Variants in DENND4A observed in about 807,000 individuals in gnomAD.
DENND4A encodes DENN domain containing 4A, also known as C-myc promoter-binding protein.
DENND4A carries 70 observed loss-of-function variants against 199.3 expected under a neutral mutation model. The observed-to-expected ratio is 0.35, with a 90% CI of 0.29 to 0.43. DENND4A has a LOEUF of 0.43. DENND4A is among the 20% of genes least tolerant of loss of function. The pLI is 1.00. For missense variants in DENND4A, 1,723 were observed against 2,255.8 expected (o/e 0.76, Z 4.78); for synonymous variants, 686 against 766.9 (o/e 0.89, Z 1.74).
At chr15:65,700,961 A>T in intron 19 of DENND4A, 90 bp downstream of exon 19, 1 of 1,396,226 alleles carries the variant, frequency 7.2e-7, no homozygotes, top group South Asian at 1.4e-5. Flanking sequence ...AAAACATTCA[A>T]TATTTTAAAA....
At chr15:65,773,078 T>G (rs1391902328) in intron 1 of DENND4A, among the ~76,000 whole-genome samples, 1 of 147,998 alleles carries the variant, frequency 6.8e-6, no homozygotes, top group East Asian at 1.9e-4. Flanking sequence ...GCTCCAGCAA[T>G]GGCATCCAGT....
In DENND4A at chr15:65,674,733, TA is replaced by T. The variant is rs139568543; in HGVS notation, c.4369+1711del. On this transcript the variant is annotated intron_variant, in intron 24 of 32. Transcript: ENST00000443035. ...TGAGCAACAGAGTGAGACCCTATCT[TA>T]AAAAAAAAAAAAAAAGACACATTAT... Among the ~76,000 whole-genome samples the T allele has an allele frequency of 9.2e-3, 1,228 of 133,302 alleles. 1 individual carries two copies. The highest frequency in any genetic ancestry group is 0.012 in the African/African-American group (429 of 36,162). 87.5% of individuals were successfully genotyped at this position (133,302 alleles called of 152,430 possible). A position where few individuals can be genotyped will look rare whatever the true frequency, so the allele number is the denominator to read the frequency against.
chr15:65,708,031 C>G (rs189689636), intron 14 of DENND4A, among the ~76,000 whole-genome samples: 46 of 152,190 alleles, frequency 3.0e-4, no homozygotes, highest in Non-Finnish European at 5.7e-4. Flanking sequence ...GGGTCTTGCT[C>G]TGTTGCCCAG....
chr15:65,688,545 T>C (rs1307331798), intron 23 of DENND4A, among the ~76,000 whole-genome samples: 1 of 152,256 alleles, frequency 6.6e-6, no homozygotes, highest in Non-Finnish European at 1.5e-5. Flanking sequence ...TTTTACTTTT[T>C]GTAGGCAGTG....
intron 4 of DENND4A, among the ~76,000 whole-genome samples, chr15:65,743,813 C>G (rs984912161): frequency 6.6e-6 from 1 of 152,080 alleles, no homozygotes; most frequent in Non-Finnish European, 1.5e-5. Context: ...GACCTAAGAG[C>G]TAAAGAGGCA....
chr15:65,698,668 G>A (rs984982529), intron 20 of DENND4A, among the ~76,000 whole-genome samples: 1 of 147,694 alleles, frequency 6.8e-6, no homozygotes, highest in Non-Finnish European at 1.5e-5. Context: ...AGAAAAATCT[G>A]AGAATAATCT....
intron 14 of DENND4A, chr15:65,715,243 T>C (rs1342120897): frequency 1.4e-5 from 5 of 353,044 alleles, no homozygotes; most frequent in Admixed American, 5.0e-5. Context: ...TAGGACTTGA[T>C]TGCTACAATA....
chr15:65,673,777 C>T (rs1204080410), intron 24 of DENND4A, among the ~76,000 whole-genome samples: 1 of 152,160 alleles, frequency 6.6e-6, no homozygotes, highest in Non-Finnish European at 1.5e-5. Flanking sequence ...TCCCTTGATG[C>T]TTCTTCCCAA....
chr15:65,746,382 T>C (rs1260233037), intron 4 of DENND4A, among the ~76,000 whole-genome samples: 5 of 114,002 alleles, frequency 4.4e-5, no homozygotes, highest in African/African-American at 1.5e-4. Context: ...TTTTTTTTTT[T>C]TTTTTTTTTT....
intron 23 of DENND4A, among the ~76,000 whole-genome samples, chr15:65,677,711 T>C (rs1218999517): frequency 6.6e-6 from 1 of 152,190 alleles, no homozygotes; most frequent in Non-Finnish European, 1.5e-5. Flanking sequence ...TACCTAAGTG[T>C]ACCAACACAT....
intron 15 of DENND4A, 94 bp downstream of exon 15, chr15:65,705,997 G>T: frequency 7.3e-7 from 1 of 1,378,976 alleles, no homozygotes; most frequent in Non-Finnish European, 9.4e-7. Flanking sequence ...TGTAAAGTTT[G>T]GATTTTTGAA....
intron 5 of DENND4A, 112 bp downstream of exon 5, chr15:65,741,603 T>C: frequency 1.4e-6 from 1 of 692,128 alleles, no homozygotes; most frequent in Non-Finnish European, 2.4e-6. Flanking sequence ...AAGATACGGA[T>C]TGTAGTCCCA....
At chr15:65,775,920 T>A (rs1321072992) in intron 1 of DENND4A, among the ~76,000 whole-genome samples, 1 of 152,202 alleles carries the variant, frequency 6.6e-6, no homozygotes, top group Non-Finnish European at 1.5e-5. Context: ...CACAACTCCA[T>A]GCCACCTTTG....
intron 23 of DENND4A, among the ~76,000 whole-genome samples, chr15:65,687,534 C>T (rs554692326): frequency 3.2e-4 from 49 of 152,156 alleles, no homozygotes; most frequent in Admixed American, 2.9e-3. Flanking sequence ...AAATAACTTC[C>T]TTCAGCATAT....
Position 65,709,719 on chromosome 15 carries a change from A to AATATATATATATAT in DENND4A, c.1954-3509_1954-3496dup, listed in dbSNP as rs1555422997. On this transcript the variant is annotated intron_variant, in intron 14 of 32. Transcript: ENST00000443035. ...TCAAAAAAAAAAAAAAAAAAAAAAA[A>AATATATATATATAT]ATATATATATATATATATATATAAT... Among the ~76,000 whole-genome samples the AATATATATATATAT allele has an allele frequency of 3.5e-3, 182 of 51,460 alleles. 5 individuals carry two copies. Among genetic ancestry groups the AATATATATATATAT allele is most frequent in the African/African-American group, 0.012 (119 of 9,968 alleles). The allele number at this position is 51,460 out of a possible 152,430, so 33.8% of individuals were successfully genotyped here.
intron 5 of DENND4A, 118 bp from the exon 6 acceptor site, chr15:65,738,993 A>C: frequency 1.4e-6 from 1 of 716,040 alleles, no homozygotes; most frequent in Non-Finnish European, 2.2e-6. Context: ...CATTATATAT[A>C]TGTTCATCAA....
intron 4 of DENND4A, among the ~76,000 whole-genome samples, chr15:65,748,396 T>C (rs553128148): frequency 1.6e-4 from 25 of 151,878 alleles, no homozygotes; most frequent in African/African-American, 5.5e-4. Flanking sequence ...GGAGGGAGGA[T>C]TGCTTGAGGC....
intron 23 of DENND4A, among the ~76,000 whole-genome samples, chr15:65,678,972 G>A (rs915785656): frequency 8.0e-5 from 12 of 150,190 alleles, no homozygotes; most frequent in Non-Finnish European, 1.2e-4. Context: ...ATTACAAGAT[G>A]AGCCACCATG....
At chr15:65,724,380 CGT>C (rs1491394468) in intron 11 of DENND4A, among the ~76,000 whole-genome samples, 150 of 97,868 alleles carry the variant, frequency 1.5e-3, no homozygotes, top group African/African-American at 8.8e-3. Context: ...TTTTTTGAAT[CGT>C]TTTTTTTTTT....
Sources: gnomAD v4.1 joint callset for allele counts (sites outside exome capture counted in the v4.1 genomes callset) on GRCh38, gnomAD v4.1.1 for gene constraint, MANE v1.5 for transcripts, NCBI Gene and HGNC (gene_info 2026-07-23, HGNC 2026-07-21) for gene names.